Variants in AHCYL2 observed in about 807,000 individuals in gnomAD.
The protein encoded by AHCYL2 is S-adenosylhomocysteine hydrolase-like protein 2.
A neutral mutation model predicts 81.4 loss-of-function variants in AHCYL2; 28 were observed. The observed-to-expected ratio is 0.34, with a 90% confidence interval of 0.25 to 0.47. The LOEUF (loss-of-function observed/expected upper bound fraction) is 0.47. Ranked by LOEUF, AHCYL2 falls within the 20% of genes least tolerant of loss-of-function variation. The pLI is 1.00. For missense variants in AHCYL2, 551 were observed against 785.1 expected, an observed-to-expected ratio of 0.70 and a Z score of 3.56; for synonymous variants, 272 against 290.2, an observed-to-expected ratio of 0.94 and a Z score of 0.64.
At chr7:129,235,407 C>T (rs1459500208) in intron 1 of AHCYL2, among the ~76,000 whole-genome samples, 1 of 139,950 alleles carries the variant, frequency 7.1e-6, no homozygotes, top group Non-Finnish European at 1.6e-5. Flanking sequence ...CCTCATCCAG[C>T]CTCCTTCTCA....
At chr7:129,343,445 A>G (rs568650566) in intron 1 of AHCYL2, among the ~76,000 whole-genome samples, 9 of 152,330 alleles carry the variant, frequency 5.9e-5, no homozygotes, top group South Asian at 4.1e-4. Context: ...GCTATCAATT[A>G]TGACTTCGAA....
At chr7:129,278,420 A>G (rs1796301645) in intron 1 of AHCYL2, among the ~76,000 whole-genome samples, 1 of 152,002 alleles carries the variant, frequency 6.6e-6, no homozygotes, top group Admixed American at 6.6e-5. Flanking sequence ...TTTTCTAATT[A>G]TTGAGTTTTG....
At chr7:129,376,228 C>A (rs1481435803) in intron 1 of AHCYL2, among the ~76,000 whole-genome samples, 1 of 152,086 alleles carries the variant, frequency 6.6e-6, no homozygotes, top group Non-Finnish European at 1.5e-5. Flanking sequence ...ATTACAAAAC[C>A]AATCCATTAC....
chr7:129,300,670 G>A (rs1187567151), intron 1 of AHCYL2, among the ~76,000 whole-genome samples: 1 of 152,186 alleles, frequency 6.6e-6, no homozygotes, highest in Non-Finnish European at 1.5e-5. Flanking sequence ...CCAACAGTGG[G>A]ATTGCTGGAT....
intron 1 of AHCYL2, among the ~76,000 whole-genome samples, chr7:129,340,263 A>G (rs1374094109): frequency 6.8e-6 from 1 of 146,248 alleles, no homozygotes; most frequent in Non-Finnish European, 1.5e-5. Flanking sequence ...CTGATCTGCC[A>G]GTTTAAAAAA....
At chr7:129,358,403 A>C (rs10273064) in intron 1 of AHCYL2, among the ~76,000 whole-genome samples, 7,250 of 150,660 alleles carry the variant, frequency 0.048, 349 homozygotes, top group African/African-American at 0.13. Context: ...CACACACACA[A>C]AAAAAAAAAC....
At chr7:129,411,004 G>A (rs1317754291) in intron 11 of AHCYL2, among the ~76,000 whole-genome samples, 2 of 151,672 alleles carry the variant, frequency 1.3e-5, no homozygotes, top group Non-Finnish European at 1.5e-5. Context: ...CCTCAGCGTG[G>A]TTCTCCCACC....
chr7:129,336,836 C>T (rs1007106681), intron 1 of AHCYL2, among the ~76,000 whole-genome samples: 1 of 151,980 alleles, frequency 6.6e-6, no homozygotes, highest in African/African-American at 2.4e-5. Context: ...AGCCGCAATC[C>T]CCTGAGCTCA....
chr7:129,242,444 G>A (rs1221100623), intron 1 of AHCYL2, among the ~76,000 whole-genome samples: 2 of 152,022 alleles, frequency 1.3e-5, no homozygotes, highest in African/African-American at 4.8e-5. Flanking sequence ...GTGGCCGGGT[G>A]CAGTGGCTCA....
intron 1 of AHCYL2, among the ~76,000 whole-genome samples, chr7:129,268,251 G>A (rs1238422218): frequency 6.6e-6 from 1 of 152,158 alleles, no homozygotes; most frequent in Non-Finnish European, 1.5e-5. Context: ...CTTTGAAAGG[G>A]CTTTGTGACA....
intron 1 of AHCYL2, among the ~76,000 whole-genome samples, chr7:129,254,101 A>G (rs1207747913): frequency 6.6e-6 from 1 of 152,226 alleles, no homozygotes; most frequent in African/African-American, 2.4e-5. Context: ...AGATGTTAGT[A>G]TAACATCTAA....
chr7:129,395,989 T>C (rs576640008), intron 4 of AHCYL2, among the ~76,000 whole-genome samples: 4 of 152,364 alleles, frequency 2.6e-5, no homozygotes, highest in African/African-American at 9.6e-5. Flanking sequence ...TTTGTCACTC[T>C]TTGGAGGGCA....
intron 1 of AHCYL2, among the ~76,000 whole-genome samples, chr7:129,350,219 G>C (rs1227986410): frequency 6.6e-6 from 1 of 152,108 alleles, no homozygotes; most frequent in African/African-American, 2.4e-5. Flanking sequence ...TGTCTTATGA[G>C]CTCTGATCTT....
chr7:129,362,736 G>C (rs888810140), intron 1 of AHCYL2, among the ~76,000 whole-genome samples: 1 of 150,810 alleles, frequency 6.6e-6, no homozygotes, highest in Admixed American at 6.7e-5. Context: ...ATGATAAGGA[G>C]ATTGAAGAAG....
At chr7:129,238,073 T>C (rs1794703470) in intron 1 of AHCYL2, among the ~76,000 whole-genome samples, 1 of 152,168 alleles carries the variant, frequency 6.6e-6, no homozygotes, top group African/African-American at 2.4e-5. Flanking sequence ...GATGAGGCTC[T>C]AGGACGAAAA....
intron 1 of AHCYL2, among the ~76,000 whole-genome samples, chr7:129,347,588 T>C (rs1157757714): frequency 6.6e-6 from 1 of 152,226 alleles, no homozygotes; most frequent in African/African-American, 2.4e-5. Flanking sequence ...CTTAGCTTAC[T>C]GCTGCTTAAT....
At chr7:129,251,831 T>C (rs1563167103) in intron 1 of AHCYL2, among the ~76,000 whole-genome samples, 1 of 152,216 alleles carries the variant, frequency 6.6e-6, no homozygotes, top group Non-Finnish European at 1.5e-5. Flanking sequence ...TTAATCTGCA[T>C]GCTTAATCCT....
At chr7:129,299,092 T>C (rs1214242100) in intron 1 of AHCYL2, among the ~76,000 whole-genome samples, 1 of 152,080 alleles carries the variant, frequency 6.6e-6, no homozygotes, top group Non-Finnish European at 1.5e-5. Flanking sequence ...TGCCATGATA[T>C]ATTGTTCTTT....
chr7:129,261,974 T>A lies in AHCYL2; in HGVS notation c.363+36535T>A, dbSNP rs763228049. Among the ~76,000 whole-genome samples the A allele has an allele frequency of 6.6e-5, 10 of 152,296 alleles. No individual in the cohort carries two copies. The South Asian group carries it at 1.7e-3, about 25-fold the overall frequency. On this transcript the variant is annotated intron_variant, in intron 1 of 16. Transcript: ENST00000325006. ...AAAATAAGAGTTGAATAGGTTTGAT[T>A]TTCTGTATTATTTTTTAACATGGTA... is the stretch of plus-strand genomic sequence containing the variant.
Sources: gnomAD v4.1 joint callset for allele counts (sites outside exome capture counted in the v4.1 genomes callset) on GRCh38, gnomAD v4.1.1 for gene constraint, MANE v1.5 for transcripts, NCBI Gene and HGNC (gene_info 2026-07-23, HGNC 2026-07-21) for gene names.